HNRNPAB: variants seen among roughly 807,000 people sequenced by gnomAD.
HNRNPAB encodes heterogeneous nuclear ribonucleoprotein A/B.
Under a neutral mutation model 44.1 loss-of-function variants are expected in HNRNPAB, and 17 were observed. The observed-to-expected ratio is 0.39, with a 90% CI of 0.26 to 0.58. The LOEUF (loss-of-function observed/expected upper bound fraction) is 0.58, where lower values mean the gene tolerates loss of function less well. HNRNPAB is among the 20% of genes least tolerant of loss of function. The pLI, the probability that HNRNPAB is intolerant of heterozygous loss-of-function variation, is 0.63. For missense variants in HNRNPAB, 393 were observed against 432.7 expected (o/e 0.91, Z 0.81); for synonymous variants, 183 against 167.6 (o/e 1.09, Z -0.71).
chr5:178,210,422 G>T, intron 7 of HNRNPAB, 131 bp from the exon 8 acceptor site: 1 of 1,529,384 alleles, frequency 6.5e-7, no homozygotes, highest in Admixed American at 1.9e-5. Flanking sequence ...TAGACTTCGG[G>T]GTCTTAATAA....
chr5:178,206,997 C>T (rs1757092582), intron 4 of HNRNPAB, 97 bp from the exon 5 acceptor site: 1 of 1,583,746 alleles, frequency 6.3e-7, no homozygotes, highest in South Asian at 1.2e-5. Context: ...GCTTATTTTT[C>T]ACCCTCTGTC....
intron 6 of HNRNPAB, 80 bp downstream of exon 6, chr5:178,209,527 G>A (rs1259418512): frequency 8.0e-6 from 10 of 1,253,188 alleles, no homozygotes; most frequent in Non-Finnish European, 1.2e-5. Flanking sequence ...GGCTCCCTCT[G>A]GTGCTGTGCA....
rs1312573976 is a variant in HNRNPAB at position 178,206,749 on chromosome 5, G to A, written c.396G>A (p.Glu132=). 1 of 1,613,928 alleles carries A rather than the reference G, an allele frequency of 6.2e-7. No homozygotes were observed. Among genetic ancestry groups the A allele is most frequent in the East Asian group, 2.2e-5 (1 of 44,886 alleles). ...TGGAACAGGTCCTAGACCAGAAGGA[G>A]CACAGGCTGGATGGCCGTGTCATTG... is the stretch of plus-strand genomic sequence containing the variant. ...ASVEKVLDQK[E]HRLDGRVIDP... Residue 132 remains glutamate (E), a synonymous_variant, in exon 4 of 8, where the codon GAG becomes GAA. Coordinates refer to ENST00000358344, the MANE Select transcript of HNRNPAB (RefSeq NM_031266.3).
Position 178,206,811 on chromosome 5 carries a change from T to A in HNRNPAB, c.458T>A (p.Val153Glu), listed in dbSNP as rs1370993104. Residue 153 changes from valine to glutamate, a missense_variant, in exon 4 of 8, where the codon GTG becomes GAG. By Grantham distance (121) the Val-to-Glu change is moderately radical. Transcript: ENST00000358344. ...GCCATGGCTATGAAGAAGGACCCGG[T>A]GAAGAAAATCTTCGTTGGGGGTCTG... ...KKAMAMKKDP[V>E]KKIFVGGLNP... The A allele has an allele frequency of 6.2e-7, 1 of 1,614,018 alleles. No individual in the cohort carries two copies. The highest frequency in any genetic ancestry group is 8.5e-7 in the Non-Finnish European group (1 of 1,180,018).
Position 178,210,290 on chromosome 5 carries a change from A to T in HNRNPAB, c.928+18A>T. On this transcript the variant is annotated intron_variant, in intron 7 of 7. Coordinates refer to ENST00000358344, the MANE Select transcript of HNRNPAB (RefSeq NM_031266.3). ...CGACTACAGTAAGTAGGAGAGAGGGAGGCCCCATCCGCTCACCCCTCGTCC... is the reference window on the plus strand; with the variant it reads ...CGACTACAGTAAGTAGGAGAGAGGGTGGCCCCATCCGCTCACCCCTCGTCC... 1 of 1,614,014 alleles carries T rather than the reference A, an allele frequency of 6.2e-7. No individual in the cohort carries two copies. Among genetic ancestry groups the T allele is most frequent in the South Asian group, 1.1e-5 (1 of 91,078 alleles).
chr5:178,206,976 T>A, intron 4 of HNRNPAB, 86 bp downstream of exon 4: 2 of 1,587,918 alleles, frequency 1.3e-6, no homozygotes, highest in Non-Finnish European at 1.7e-6. Flanking sequence ...GGCTAGACCC[T>A]CCCAGGCAGG....
Position 178,204,661 on chromosome 5 carries a change from G to T in HNRNPAB, c.-103G>T, listed in dbSNP as rs541221472. 2 of 310,380 alleles carry T rather than the reference G, an allele frequency of 6.4e-6. No homozygotes were observed. Among genetic ancestry groups the T allele is most frequent in the Admixed American group, 1.0e-4 (2 of 19,776 alleles). The allele number at this position is 310,380 out of a possible 1,614,324, so 19.2% of individuals were successfully genotyped here. A position where few individuals can be genotyped will look rare whatever the true frequency, so the allele number is the denominator to read the frequency against. On this transcript the variant is annotated 5_prime_UTR_variant, in exon 1 of 8. Coordinates refer to ENST00000358344, the MANE Select transcript of HNRNPAB (RefSeq NM_031266.3). The stretch of plus-strand genomic sequence containing the variant: ...GACTGGGGCGAGGCCTCAGCAGCGC[G>T]AGCTTGAGTGCGGCCGAGCCTGCGG...
rs370621026 is a variant in HNRNPAB at position 178,210,634 on chromosome 5, G to A, written c.*11G>A. On this transcript the variant is annotated 3_prime_UTR_variant, in exon 8 of 8. Transcript: ENST00000358344. ...TACAAGCCATACTGAGGCGGCAGCAGGAGCGACCAACTGATCGCACACATG... is the reference window on the plus strand; with the variant it reads ...TACAAGCCATACTGAGGCGGCAGCAAGAGCGACCAACTGATCGCACACATG... The A allele has an allele frequency of 5.0e-6, 8 of 1,609,270 alleles. No individual in the cohort carries two copies. The highest frequency in any genetic ancestry group is 6.0e-6 in the Non-Finnish European group (7 of 1,175,714).
Position 178,205,920 on chromosome 5 carries a change from C to T in HNRNPAB, c.288C>T (p.Val96=), listed in dbSNP as rs758795269. The change falls in exon 3 of 8, where the codon GTC becomes GTT. Residue 96 remains valine, a synonymous_variant. Transcript: ENST00000358344. ...ACTATTTTACTAAATTTGGAGAGGT[C>T]GTTGACTGTACAATAAAAATGGATC... The part of the protein sequence containing the change: ...LKDYFTKFGE[V]VDCTIKMDPN... 1.9e-6 allele frequency: 3 copies of T among 1,613,958 alleles called. No homozygotes were observed. Among genetic ancestry groups the T allele is most frequent in the Admixed American group, 1.7e-5 (1 of 60,006 alleles).
In HNRNPAB at chr5:178,210,584, G is replaced by A. The variant is rs1278678526; in HGVS notation, c.960G>A (p.Gln320=). Residue 320 remains glutamine, a synonymous_variant, in exon 8 of 8, where the codon CAG becomes CAA. Transcript: ENST00000358344. ...SQGSTNYGKS[Q]RRGGHQNNYK... ...GTAGTACAAACTACGGCAAGAGCCA[G>A]CGACGTGGTGGCCATCAGAATAACT... is the stretch of plus-strand genomic sequence containing the variant. The A allele has an allele frequency of 6.2e-7, 1 of 1,614,190 alleles. No homozygotes were observed. The highest frequency in any genetic ancestry group is 8.5e-7 in the Non-Finnish European group (1 of 1,180,012).
Position 178,210,530 on chromosome 5 carries a change from G to A in HNRNPAB, c.929-23G>A, listed in dbSNP as rs528905623. The A allele has an allele frequency of 2.5e-6, 4 of 1,610,634 alleles. No individual in the cohort carries two copies. The Admixed American group carries it at 6.7e-5, about 27-fold the overall frequency. The stretch of plus-strand genomic sequence containing the variant: ...GGGCAAATGCTTGTAAATAGTAGCT[G>A]CTATGGTTGTTCTCGTCCCTAGGTC... On this transcript the variant is annotated intron_variant, in intron 7 of 7. Transcript: ENST00000358344.
intron 6 of HNRNPAB, 143 bp downstream of exon 6, chr5:178,209,590 T>C (rs1757550386): frequency 1.4e-6 from 1 of 698,860 alleles, no homozygotes; most frequent in Non-Finnish European, 2.5e-6. Flanking sequence ...TAGGAACGGC[T>C]CTGGGTCAGG....
intron 2 of HNRNPAB, 27 bp downstream of exon 2, chr5:178,205,073 G>GCGCCGCCTTTGTTCCGGGGC: frequency 8.3e-7 from 1 of 1,198,018 alleles, no homozygotes; most frequent in Non-Finnish European, 1.0e-6. Flanking sequence ...GCGGACGGGG[G>GCGCCGCCTTTGTTCCGGGGC]CGCCGCCTTT....
chr5:178,210,087 T>G, intron 6 of HNRNPAB, 45 bp from the exon 7 acceptor site: 1 of 1,605,226 alleles, frequency 6.2e-7, no homozygotes, highest in Non-Finnish European at 8.5e-7. Flanking sequence ...AGCTCCTGCG[T>G]ATGCTAAATG....
chr5:178,208,141 G>GGGT (rs573034513), intron 5 of HNRNPAB, among the ~76,000 whole-genome samples: 38 of 152,218 alleles, frequency 2.5e-4, no homozygotes, highest in Non-Finnish European at 5.0e-4. Context: ...GTCAGGGAAA[G>GGGT]GGTAGTTCAG....
At chr5:178,204,774 G>C in intron 1 of HNRNPAB, 34 bp downstream of exon 1, 1 of 1,087,920 alleles carries the variant, frequency 9.2e-7, no homozygotes, top group Non-Finnish European at 1.2e-6. Context: ...AGCTCTGGCG[G>C]GAGCCGCGCC....
chr5:178,204,909 C>T lies in HNRNPAB; in HGVS notation c.72C>T (p.Pro24=). 1.7e-6 allele frequency: 2 copies of T among 1,211,102 alleles called. No homozygotes were observed. Among genetic ancestry groups the T allele is most frequent in the Non-Finnish European group, 2.1e-6 (2 of 974,544 alleles). 75.0% of individuals were successfully genotyped at this position (1,211,102 alleles called of 1,614,324 possible). A position where few individuals can be genotyped will look rare whatever the true frequency, so the allele number is the denominator to read the frequency against. Residue 24 remains proline, a synonymous_variant, in exon 2 of 8, where the codon CCC becomes CCT. Transcript: ENST00000358344. The stretch of plus-strand genomic sequence containing the variant: ...CCGAGAACGGACATGAGGCCGTCCC[C>T]GAAGGCGAGTCGCCGGCCGGGGCTG... ...GATENGHEAV[P]EGESPAGAGT... is the part of the protein sequence containing the mutation.
rs776858195 is a variant in HNRNPAB at position 178,204,556 on chromosome 5, G to A, written c.-208G>A. 1.8e-5 allele frequency: 4 copies of A among 221,812 alleles called. No homozygotes were observed. Among genetic ancestry groups the A allele is most frequent in the South Asian group, 1.8e-4 (1 of 5,488 alleles). 13.7% of individuals were successfully genotyped at this position (221,812 alleles called of 1,614,324 possible). On this transcript the variant is annotated 5_prime_UTR_variant, in exon 1 of 8. Coordinates refer to ENST00000358344, the MANE Select transcript of HNRNPAB (RefSeq NM_031266.3). ...TCAGGCGGCGGCACCGCGCGGGACG[G>A]AGCTTGGCTGTTGGTCGGTGGGTTC...
chr5:178,204,631 G>A lies in HNRNPAB; in HGVS notation c.-133G>A, dbSNP rs1281023530. 2.1e-5 allele frequency: 6 copies of A among 287,876 alleles called. No homozygotes were observed. Among genetic ancestry groups the A allele is most frequent in the Non-Finnish European group, 6.4e-6 (1 of 156,434 alleles). The allele number at this position is 287,876 out of a possible 1,614,324, so 17.8% of individuals were successfully genotyped here. Reference sequence around the variant, plus strand: ...GGAGACACAGTTGGAGCAGCTCCGTGGGCTGACTGGGGCGAGGCCTCAGCA... The same window carrying A: ...GGAGACACAGTTGGAGCAGCTCCGTAGGCTGACTGGGGCGAGGCCTCAGCA... On this transcript the variant is annotated 5_prime_UTR_variant, in exon 1 of 8. Coordinates refer to ENST00000358344, the MANE Select transcript of HNRNPAB (RefSeq NM_031266.3).
Sources: allele counts gnomAD v4.1 joint callset (sites outside exome capture counted in the v4.1 genomes callset), GRCh38; gene constraint gnomAD v4.1.1; transcripts MANE v1.5; gene names NCBI Gene and HGNC (gene_info 2026-07-23, HGNC 2026-07-21).